DTWD2: variants seen among roughly 807,000 people sequenced by gnomAD.
DTWD2 encodes the protein tRNA-uridine aminocarboxypropyltransferase 2.
A neutral mutation model predicts 31.8 loss-of-function variants in DTWD2; 39 were observed. The ratio of observed to expected loss-of-function variants is 1.22; its 90% CI spans 0.95 to 1.60. The LOEUF (loss-of-function observed/expected upper bound fraction) is 1.60. Ranked by LOEUF, DTWD2 falls within the 40% of genes most tolerant of loss-of-function variation. The probability of loss-of-function intolerance (pLI) is 0.00; values close to 1 mark genes in which losing one functional copy is unlikely to be tolerated. For synonymous variants in DTWD2, 180 were observed against 142.8 expected (o/e 1.26, Z -1.86); for missense variants, 515 against 381.5 (o/e 1.35, Z -2.92).
chr5:118,892,839 T>C (rs550938936), intron 4 of DTWD2, among the ~76,000 whole-genome samples: 7 of 152,162 alleles, frequency 4.6e-5, no homozygotes, highest in Non-Finnish European at 4.4e-5. Flanking sequence ...CATTATTCAA[T>C]GCAGCATTAT....
chr5:118,969,197 CG>C (rs923466243), intron 1 of DTWD2, among the ~76,000 whole-genome samples: 7 of 143,840 alleles, frequency 4.9e-5, no homozygotes, highest in Middle Eastern at 3.5e-3. Context: ...AGGGGAGGGG[CG>C]GGGGGGAAGC....
At chr5:118,973,271 T>C (rs1411386468) in intron 1 of DTWD2, among the ~76,000 whole-genome samples, 1 of 152,212 alleles carries the variant, frequency 6.6e-6, no homozygotes, top group Non-Finnish European at 1.5e-5. Context: ...GTTAACGTTG[T>C]TACGTATGAA....
chr5:118,977,443 G>A (rs932906349), intron 1 of DTWD2, among the ~76,000 whole-genome samples: 9 of 152,176 alleles, frequency 5.9e-5, no homozygotes, highest in Non-Finnish European at 1.2e-4. Context: ...AAACCCCACT[G>A]TCTCAGCCCA....
At chr5:118,922,814 GC>G (rs1266324774) in intron 4 of DTWD2, among the ~76,000 whole-genome samples, 1 of 152,114 alleles carries the variant, frequency 6.6e-6, no homozygotes, top group East Asian at 1.9e-4. Flanking sequence ...CCTAATTCAT[GC>G]AGTCCTCTTG....
chr5:118,915,074 G>A (rs1226471994), intron 4 of DTWD2, among the ~76,000 whole-genome samples: 2 of 151,972 alleles, frequency 1.3e-5, no homozygotes, highest in Non-Finnish European at 2.9e-5. Context: ...AAAATTAGCT[G>A]GGCGTGGCAG....
chr5:118,902,844 G>T (rs184262695), intron 4 of DTWD2, among the ~76,000 whole-genome samples: 4 of 152,052 alleles, frequency 2.6e-5, no homozygotes, highest in Admixed American at 1.3e-4. Flanking sequence ...GATATCAAAG[G>T]ACCAGATGCT....
chr5:118,982,731 G>A (rs960048532), intron 1 of DTWD2, among the ~76,000 whole-genome samples: 2 of 133,238 alleles, frequency 1.5e-5, no homozygotes, highest in Non-Finnish European at 3.1e-5. Context: ...CTCTGTCGCC[G>A]AGGCTGGAGT....
At chr5:118,860,099 TACAGAGTGAG>T (rs1752226431) in intron 4 of DTWD2, among the ~76,000 whole-genome samples, 1 of 151,878 alleles carries the variant, frequency 6.6e-6, no homozygotes, top group Non-Finnish European at 1.5e-5. Flanking sequence ...GCCAGACTAT[TACAGAGTGAG>T]ACCCTGTCTC....
intron 1 of DTWD2, among the ~76,000 whole-genome samples, chr5:118,972,777 T>C (rs991641614): frequency 2.0e-5 from 3 of 152,194 alleles, no homozygotes; most frequent in Non-Finnish European, 2.9e-5. Flanking sequence ...TTATCTGTCA[T>C]GATCAAGTTG....
chr5:118,913,307 T>G (rs938437605), intron 4 of DTWD2, among the ~76,000 whole-genome samples: 33 of 151,622 alleles, frequency 2.2e-4, no homozygotes, highest in African/African-American at 7.3e-4. Context: ...GCCTTTGGAC[T>G]CAAACTGTAA....
intron 1 of DTWD2, among the ~76,000 whole-genome samples, chr5:118,960,185 A>C (rs1754675479): frequency 1.3e-5 from 2 of 152,330 alleles, no homozygotes; most frequent in South Asian, 4.1e-4. Context: ...TTTGCAAACT[A>C]TGCATCTGAC....
At chr5:118,854,216 T>C (rs1404799181) in intron 4 of DTWD2, among the ~76,000 whole-genome samples, 1 of 152,172 alleles carries the variant, frequency 6.6e-6, no homozygotes, top group East Asian at 1.9e-4. Context: ...GCTTAGACTT[T>C]TGATCCAAAT....
At chr5:118,862,596 G>T (rs1365263152) in intron 4 of DTWD2, among the ~76,000 whole-genome samples, 1 of 152,126 alleles carries the variant, frequency 6.6e-6, no homozygotes, top group African/African-American at 2.4e-5. Context: ...TTACTTTGAA[G>T]AAACACAAAA....
Position 118,933,760 on chromosome 5 carries a change from C to G in DTWD2, c.405-5031G>C, listed in dbSNP as rs542805228. ...GTCCTCTCACCACTGCTATTCAATC[C>G]CTAGCTATTGAAATAAGAAAAGGGA... On this transcript the variant is annotated intron_variant, in intron 3 of 5. Transcript: ENST00000510708. 1.8e-4 allele frequency among the ~76,000 whole-genome samples: 27 copies of G among 151,858 alleles called. No individual in the cohort carries two copies. In the East Asian group the frequency reaches 5.2e-3, roughly 29 times the overall value.
intron 4 of DTWD2, among the ~76,000 whole-genome samples, chr5:118,865,448 A>T (rs182130440): frequency 8.9e-4 from 136 of 152,308 alleles, no homozygotes; most frequent in Middle Eastern, 3.4e-3. Context: ...ATGTAAAAAA[A>T]AAATAAATAA....
At chr5:118,870,317 T>C (rs180826372) in intron 4 of DTWD2, among the ~76,000 whole-genome samples, 179 of 152,228 alleles carry the variant, frequency 1.2e-3, no homozygotes, top group Non-Finnish European at 2.1e-3. Flanking sequence ...TAAACATACA[T>C]CAGAATAGCT....
In DTWD2 at chr5:118,909,690, C is replaced by T. The variant is rs112237329; in HGVS notation, c.597+18847G>A. 6.6e-3 allele frequency among the ~76,000 whole-genome samples: 1,000 copies of T among 152,312 alleles called. 7 individuals carry two copies. The highest frequency in any genetic ancestry group is 0.023 in the African/African-American group (960 of 41,560). ...AGCCCCAGTGCCAGATCCATAAGCA[C>T]AGATAAGAGTCCAAACAGCCCTCAC... is the stretch of plus-strand genomic sequence containing the variant. On this transcript the variant is annotated intron_variant, in intron 4 of 5. Transcript: ENST00000510708.
rs561505670 is a variant in DTWD2, at chr5:118,958,555, A to G, written c.219-13906T>C. ...AAATAAAGAATCAGAAATGACAAAT[A>G]TAACATTAACACCAACCCCACAGAA... On this transcript the variant is annotated intron_variant, in intron 1 of 5. Transcript: ENST00000510708. 6.0e-5 allele frequency among the ~76,000 whole-genome samples: 9 copies of G among 150,644 alleles called. No homozygotes were observed. The South Asian group carries it at 1.7e-3, about 28-fold the overall frequency.
chr5:118,910,782 T>A (rs1008369378), intron 4 of DTWD2, among the ~76,000 whole-genome samples: 3 of 152,140 alleles, frequency 2.0e-5, no homozygotes, highest in Admixed American at 2.0e-4. Context: ...TTGTTCACAG[T>A]TCGGGAGCAG....
Sources: allele counts gnomAD v4.1 joint callset (sites outside exome capture counted in the v4.1 genomes callset), GRCh38; gene constraint gnomAD v4.1.1; transcripts MANE v1.5; gene names NCBI Gene and HGNC (gene_info 2026-07-23, HGNC 2026-07-21).